Variants in RGS17 observed in about 807,000 individuals in gnomAD.
The protein encoded by RGS17 is regulator of G protein signaling 17.
Under a neutral mutation model 25.5 loss-of-function variants are expected in RGS17, and 12 were observed. The ratio of observed to expected loss-of-function variants is 0.47; its 90% CI spans 0.30 to 0.76. The LOEUF (loss-of-function observed/expected upper bound fraction) is 0.76. Ranked by LOEUF, RGS17 falls within the 30% of genes least tolerant of loss-of-function variation. RGS17 has a pLI of 0.07. For missense variants in RGS17, 196 were observed against 242.2 expected, an observed-to-expected ratio of 0.81 and a Z score of 1.27; for synonymous variants, 71 against 76.9, an observed-to-expected ratio of 0.92 and a Z score of 0.40.
In RGS17 at chr6:153,076,174, C is replaced by T. The variant is rs999840489; in HGVS notation, c.-25-32131G>A. The stretch of plus-strand genomic sequence containing the variant: ...TTTTAAACATTACACTCTGTATATC[C>T]TTGGTTGGATATAAACAAGGAAATC... On this transcript the variant is annotated intron_variant, in intron 1 of 4. Coordinates refer to ENST00000206262, the MANE Select transcript of RGS17 (RefSeq NM_012419.5). Among the ~76,000 whole-genome samples, 8 of 152,106 alleles carry T rather than the reference C, an allele frequency of 5.3e-5. No individual in the cohort carries two copies. The East Asian group carries it at 1.2e-3, about 22-fold the overall frequency.
At chr6:153,072,135 G>C (rs1776813037) in intron 1 of RGS17, among the ~76,000 whole-genome samples, 2 of 152,078 alleles carry the variant, frequency 1.3e-5, no homozygotes, top group Admixed American at 1.3e-4. Flanking sequence ...TGCCCAGGCT[G>C]CTCAGTTAAT....
intron 1 of RGS17, among the ~76,000 whole-genome samples, chr6:153,076,697 G>A (rs908459109): frequency 7.2e-5 from 11 of 152,178 alleles, no homozygotes; most frequent in African/African-American, 2.7e-4. Flanking sequence ...CCTGGCCAAA[G>A]TCAGAGTAAT....
In RGS17 at chr6:153,011,313, T is replaced by C. The variant is rs1779129988; in HGVS notation, c.*261A>G. On this transcript the variant is annotated 3_prime_UTR_variant, in exon 5 of 5. Transcript: ENST00000206262. The stretch of plus-strand genomic sequence containing the variant: ...TACACGAGGAGACTGTTCATAGGAC[T>C]ACAAATACACTTTGCTTGCAAGTAG... The C allele has an allele frequency of 7.0e-6, 3 of 426,686 alleles. No homozygotes were observed. The South Asian group carries it at 8.6e-5, about 12-fold the overall frequency. 26.4% of individuals were successfully genotyped at this position (426,686 alleles called of 1,614,324 possible). A position where few individuals can be genotyped will look rare whatever the true frequency, so the allele number is the denominator to read the frequency against.
intron 1 of RGS17, among the ~76,000 whole-genome samples, chr6:153,073,409 T>C (rs1359388360): frequency 1.3e-5 from 2 of 152,276 alleles, no homozygotes; most frequent in Middle Eastern, 3.4e-3. Flanking sequence ...AATCTGAGGA[T>C]ACTCTATCAA....
intron 4 of RGS17, among the ~76,000 whole-genome samples, chr6:153,014,191 TAGAGCCCTTA>T (rs1220999868): frequency 6.6e-6 from 1 of 152,212 alleles, no homozygotes; most frequent in African/African-American, 2.4e-5. Context: ...CTGTAAATCC[TAGAGCCCTTA>T]AGAATTATGC....
At chr6:153,042,756 G>A (rs953439447) in intron 2 of RGS17, among the ~76,000 whole-genome samples, 4 of 152,130 alleles carry the variant, frequency 2.6e-5, no homozygotes, top group African/African-American at 9.7e-5. Context: ...AGAGTGGATG[G>A]AACTTGTTCG....
At chr6:153,073,067 A>G (rs1388472423) in intron 1 of RGS17, among the ~76,000 whole-genome samples, 2 of 152,232 alleles carry the variant, frequency 1.3e-5, no homozygotes, top group African/African-American at 4.8e-5. Context: ...CATCTCGATG[A>G]CATAACAATT....
chr6:153,021,944 A>G (rs2129106691), intron 4 of RGS17, among the ~76,000 whole-genome samples: 1 of 152,322 alleles, frequency 6.6e-6, no homozygotes, highest in South Asian at 2.1e-4. Flanking sequence ...GCAGTGGCTC[A>G]CACCCGTAAT....
At chr6:153,093,490 T>C (rs1394589433) in intron 1 of RGS17, among the ~76,000 whole-genome samples, 1 of 152,172 alleles carries the variant, frequency 6.6e-6, no homozygotes, top group Non-Finnish European at 1.5e-5. Flanking sequence ...TCCACAATCT[T>C]CCACAAGCTT....
intron 1 of RGS17, among the ~76,000 whole-genome samples, chr6:153,046,314 T>C (rs892158722): frequency 6.6e-6 from 1 of 151,976 alleles, no homozygotes; most frequent in African/African-American, 2.4e-5. Flanking sequence ...CAATAATATA[T>C]AGTTTTAAAT....
At chr6:153,022,972 T>TA (rs1233608481) in intron 4 of RGS17, among the ~76,000 whole-genome samples, 2 of 151,996 alleles carry the variant, frequency 1.3e-5, no homozygotes, top group Admixed American at 1.3e-4. Flanking sequence ...ATGTAGGAAA[T>TA]AAAAAAATAA....
At position 153,130,572 on chromosome 6, in the gene RGS17, C is replaced by T. The variant is rs1043626304; in HGVS notation, c.-26+552G>A. Among the ~76,000 whole-genome samples, 1 of 152,194 alleles carries T rather than the reference C, an allele frequency of 6.6e-6. No homozygotes were observed. Among genetic ancestry groups the T allele is most frequent in the Non-Finnish European group, 1.5e-5 (1 of 68,030 alleles). On this transcript the variant is annotated intron_variant, in intron 1 of 4. Transcript: ENST00000206262. The surrounding 1 kb of genome is among the most constrained non-coding windows in gnomAD (Gnocchi z 6.4). ...TCGCAACCTCTTCTTCGAACACCTT[C>T]CCCACCTGAGCAGTGCATTTTCCCA...
intron 2 of RGS17, among the ~76,000 whole-genome samples, chr6:153,039,748 A>G (rs1270149415): frequency 6.6e-6 from 1 of 152,174 alleles, no homozygotes; most frequent in Non-Finnish European, 1.5e-5. Flanking sequence ...TCCTATGGCC[A>G]TTTTGATGCC....
chr6:153,034,507 A>G (rs1482225023), intron 2 of RGS17, among the ~76,000 whole-genome samples: 2 of 152,226 alleles, frequency 1.3e-5, no homozygotes. Flanking sequence ...GTAAAGGGAC[A>G]GAAATAATAC....
At chr6:153,066,832 G>A (rs1338036264) in intron 1 of RGS17, among the ~76,000 whole-genome samples, 1 of 152,138 alleles carries the variant, frequency 6.6e-6, no homozygotes. Flanking sequence ...AAGAGGTCAG[G>A]AGATCGAGAC....
At chr6:153,044,525 C>T (rs1006883280) in intron 1 of RGS17, among the ~76,000 whole-genome samples, 1 of 152,130 alleles carries the variant, frequency 6.6e-6, no homozygotes, top group Non-Finnish European at 1.5e-5. Context: ...TTATTCTTGG[C>T]GCCCTCTCAC....
At chr6:153,029,677 G>A (rs1379646403) in intron 2 of RGS17, among the ~76,000 whole-genome samples, 1 of 151,092 alleles carries the variant, frequency 6.6e-6, no homozygotes, top group South Asian at 2.1e-4. Flanking sequence ...TGCAAGCTCC[G>A]CCTCCCGGGT....
chr6:153,014,892 G>GA (rs1779167975), intron 4 of RGS17, among the ~76,000 whole-genome samples: 1 of 152,126 alleles, frequency 6.6e-6, no homozygotes, highest in Non-Finnish European at 1.5e-5. Context: ...AAACCTTCTG[G>GA]AAAGAATTCA....
intron 1 of RGS17, among the ~76,000 whole-genome samples, chr6:153,085,814 G>C (rs1777045521): frequency 6.6e-6 from 1 of 151,942 alleles, no homozygotes; most frequent in Non-Finnish European, 1.5e-5. Flanking sequence ...TTAAAAAATA[G>C]AGCCCATGTA....
Sources: gnomAD v4.1 joint callset for allele counts (sites outside exome capture counted in the v4.1 genomes callset) on GRCh38, gnomAD v4.1.1 for gene constraint, Gnocchi (gnomAD v3.1) non-coding constraint, MANE v1.5 for transcripts, NCBI Gene and HGNC (gene_info 2026-07-23, HGNC 2026-07-21) for gene names.